The following C8orf89 variants were observed in gnomAD, a reference collection of about 807,000 sequenced individuals.
The protein encoded by C8orf89 is chromosome 8 open reading frame 89.
C8orf89 carries 14 observed loss-of-function variants against 15.8 expected under a neutral mutation model. The observed-to-expected ratio is 0.89, with a 90% CI of 0.59 to 1.39. C8orf89 has a LOEUF of 1.39. C8orf89 is among the 40% of genes most tolerant of loss of function. C8orf89 has a pLI of 0.00. For synonymous variants in C8orf89, 55 were observed against 62.2 expected (o/e 0.88, Z 0.54); for missense variants, 181 against 184.5 (o/e 0.98, Z 0.11).
chr8:73,276,246 G>C, the C8orf89 span, among the ~76,000 whole-genome samples: 1 of 144,496 alleles, frequency 6.9e-6, no homozygotes, highest in South Asian at 2.2e-4. Context: ...GTGCAATCTC[G>C]GCTCACTGCA....
chr8:73,254,558 G>T (rs944676821), intron 2 of C8orf89, among the ~76,000 whole-genome samples: 1 of 152,136 alleles, frequency 6.6e-6, no homozygotes, highest in Non-Finnish European at 1.5e-5. Flanking sequence ...GCTGCTAAAC[G>T]GGATCCAGAT....
chr8:73,272,069 A>G, the C8orf89 span, among the ~76,000 whole-genome samples: 1 of 152,154 alleles, frequency 6.6e-6, no homozygotes, highest in African/African-American at 2.4e-5. Flanking sequence ...AGAATCGACT[A>G]ATGGCTGGGG....
chr8:73,275,288 A>G, the C8orf89 span, among the ~76,000 whole-genome samples: 1 of 135,822 alleles, frequency 7.4e-6, no homozygotes, highest in South Asian at 2.3e-4. Context: ...CCAGGCTGGA[A>G]TGCAGTGGCT....
At chr8:73,250,424 A>G (rs1813222715) in intron 2 of C8orf89, 101 bp from the exon 3 acceptor site, 1 of 686,458 alleles carries the variant, frequency 1.5e-6, no homozygotes, top group Admixed American at 2.8e-5. Flanking sequence ...ATAAATGTTA[A>G]GGAAAGGAAA....
intron 2 of C8orf89, among the ~76,000 whole-genome samples, chr8:73,252,751 G>A (rs2130267700): frequency 6.6e-6 from 1 of 152,238 alleles, no homozygotes; most frequent in South Asian, 2.1e-4. Flanking sequence ...ATTATAATAG[G>A]AAGATAATAT....
chr8:73,241,991 A>G (rs7819516), intron 3 of C8orf89, among the ~76,000 whole-genome samples: 1,739 of 152,130 alleles, frequency 0.011, 30 homozygotes, highest in African/African-American at 0.04. Flanking sequence ...ATAAAAAAAA[A>G]TCGAAATGGA....
At chr8:73,246,907 G>A (rs1813141176) in intron 3 of C8orf89, among the ~76,000 whole-genome samples, 1 of 152,154 alleles carries the variant, frequency 6.6e-6, no homozygotes, top group African/African-American at 2.4e-5. Flanking sequence ...TTTAGTTTTG[G>A]TTGGTTGTTT....
chr8:73,248,905 C>T (rs1480407842), intron 3 of C8orf89, among the ~76,000 whole-genome samples: 2 of 152,182 alleles, frequency 1.3e-5, no homozygotes, highest in Non-Finnish European at 2.9e-5. Context: ...GGTTCACTTT[C>T]TCTCTTCCTA....
chr8:73,278,662 T>C, the C8orf89 span, among the ~76,000 whole-genome samples: 2 of 152,234 alleles, frequency 1.3e-5, no homozygotes, highest in African/African-American at 4.8e-5. Flanking sequence ...ATGTTTTGAT[T>C]CTTATTGTTG....
the C8orf89 span, among the ~76,000 whole-genome samples, chr8:73,277,173 T>C: frequency 6.6e-6 from 1 of 152,136 alleles, no homozygotes; most frequent in Non-Finnish European, 1.5e-5. Flanking sequence ...GTTTTTTAGA[T>C]TTTTGTCAGT....
At chr8:73,270,354 T>C in the C8orf89 span, among the ~76,000 whole-genome samples, 5 of 152,220 alleles carry the variant, frequency 3.3e-5, no homozygotes, top group African/African-American at 1.2e-4. Flanking sequence ...CTAACTCCTG[T>C]CTGAATTGAG....
the C8orf89 span, among the ~76,000 whole-genome samples, chr8:73,284,451 G>C: frequency 6.6e-6 from 1 of 151,998 alleles, no homozygotes; most frequent in Non-Finnish European, 1.5e-5. Flanking sequence ...CTGACCTTGT[G>C]ATCTGCCCGC....
At chr8:73,282,672 G>A in the C8orf89 span, among the ~76,000 whole-genome samples, 1 of 152,310 alleles carries the variant, frequency 6.6e-6, no homozygotes, top group Non-Finnish European at 1.5e-5. Context: ...CTGAACAGAG[G>A]TATGGTTTCT....
the C8orf89 span, among the ~76,000 whole-genome samples, chr8:73,285,869 C>T: frequency 6.6e-6 from 1 of 152,188 alleles, no homozygotes; most frequent in Non-Finnish European, 1.5e-5. Flanking sequence ...TGAGCATGCC[C>T]CGCAGCCAGC....
intron 2 of C8orf89, among the ~76,000 whole-genome samples, chr8:73,255,600 C>G (rs956950205): frequency 1.9e-4 from 29 of 150,510 alleles, no homozygotes; most frequent in Admixed American, 4.6e-4. Context: ...CCAGCCATCC[C>G]ATTACTGGGT....
At chr8:73,268,249 G>A in the C8orf89 span, among the ~76,000 whole-genome samples, 1 of 152,180 alleles carries the variant, frequency 6.6e-6, no homozygotes, top group Non-Finnish European at 1.5e-5. Flanking sequence ...GGAGGCCGAG[G>A]CAGGCAGATC....
chr8:73,275,732 C>G, the C8orf89 span, among the ~76,000 whole-genome samples: 1 of 151,962 alleles, frequency 6.6e-6, no homozygotes. Flanking sequence ...AGTACTAATT[C>G]TTTATATGTT....
chr8:73,259,271 C>T, intron 1 of C8orf89, 61 bp downstream of exon 1: 1 of 1,105,448 alleles, frequency 9.0e-7, no homozygotes, highest in Non-Finnish European at 1.2e-6. Flanking sequence ...GAAAAAAATA[C>T]ATGGAAATTC....
chr8:73,257,234 A>G, intron 1 of C8orf89, 108 bp from the exon 2 acceptor site: 1 of 664,438 alleles, frequency 1.5e-6, no homozygotes, highest in Non-Finnish European at 2.4e-6. Context: ...AGTAAAGAAA[A>G]TTAAGCAACT....
Sources: allele counts gnomAD v4.1 joint callset (sites outside exome capture counted in the v4.1 genomes callset), GRCh38; gene constraint gnomAD v4.1.1; transcripts MANE v1.5; gene names NCBI Gene and HGNC (gene_info 2026-07-23, HGNC 2026-07-21).